CCDC178: variants seen among roughly 807,000 people sequenced by gnomAD.
CCDC178 encodes coiled-coil domain containing 178, also known as coiled-coil domain-containing protein 178.
A neutral mutation model predicts 117.4 loss-of-function variants in CCDC178; 126 were observed. The observed-to-expected ratio is 1.07, with a 90% CI of 0.93 to 1.24. The LOEUF (loss-of-function observed/expected upper bound fraction) is 1.24. Among genes scored for constraint, CCDC178 ranks in the 50% most tolerant of loss-of-function variants. The probability of loss-of-function intolerance (pLI) is 0.00; values close to 1 mark genes in which losing one functional copy is unlikely to be tolerated. For missense variants in CCDC178, 1,030 were observed against 986.9 expected, an observed-to-expected ratio of 1.04 and a Z score of -0.59; for synonymous variants, 283 against 313.4, an observed-to-expected ratio of 0.90 and a Z score of 1.02.
Position 32,944,423 on chromosome 18 carries a change from T to A in CCDC178, c.2524-6332A>T, listed in dbSNP as rs1253964519. Among the ~76,000 whole-genome samples the A allele has an allele frequency of 2.0e-5, 3 of 152,192 alleles. No individual in the cohort carries two copies. The East Asian group carries it at 5.8e-4, about 29-fold the overall frequency. ...TGACAGATACTGCACACCAAGATTA[T>A]CTGCTGTAAGTGATGGGGAGGCACT... is the stretch of plus-strand genomic sequence containing the variant. On this transcript the variant is annotated intron_variant, in intron 22 of 22. Coordinates refer to ENST00000383096, the MANE Select transcript of CCDC178 (RefSeq NM_001105528.4).
intron 12 of CCDC178, among the ~76,000 whole-genome samples, chr18:33,289,204 C>G (rs1437984356): frequency 6.6e-6 from 1 of 152,060 alleles, no homozygotes; most frequent in Non-Finnish European, 1.5e-5. Flanking sequence ...GGTTAATATT[C>G]TCCACACTGC....
At chr18:33,414,781 A>C (rs1396797209) in intron 2 of CCDC178, among the ~76,000 whole-genome samples, 3 of 152,254 alleles carry the variant, frequency 2.0e-5, no homozygotes, top group Non-Finnish European at 2.9e-5. Context: ...GAATGGGAGA[A>C]AATTTTTGCA....
chr18:32,953,023 C>T (rs560051616), intron 22 of CCDC178, among the ~76,000 whole-genome samples: 4 of 152,204 alleles, frequency 2.6e-5, no homozygotes, highest in Admixed American at 6.5e-5. Context: ...CTGCCTGCCT[C>T]GGCCTCCCAA....
At chr18:33,386,779 AG>A (rs1384901070) in intron 5 of CCDC178, among the ~76,000 whole-genome samples, 2 of 152,120 alleles carry the variant, frequency 1.3e-5, no homozygotes, top group Non-Finnish European at 2.9e-5. Context: ...GGGCAAAAAC[AG>A]GAAGCATTCC....
intron 18 of CCDC178, among the ~76,000 whole-genome samples, chr18:33,220,961 AT>A (rs1241870225): frequency 2.1e-4 from 32 of 152,062 alleles, no homozygotes; most frequent in African/African-American, 6.3e-4. Flanking sequence ...GTATTTAAGC[AT>A]TTGCCTATTC....
intron 21 of CCDC178, among the ~76,000 whole-genome samples, chr18:33,075,604 T>G (rs759993316): frequency 6.6e-6 from 1 of 152,174 alleles, no homozygotes; most frequent in Non-Finnish European, 1.5e-5. Flanking sequence ...AAAATACCTT[T>G]CTGTTCCCAT....
intron 21 of CCDC178, among the ~76,000 whole-genome samples, chr18:33,013,590 A>C (rs894343207): frequency 1.3e-5 from 2 of 152,226 alleles, no homozygotes; most frequent in Non-Finnish European, 2.9e-5. Flanking sequence ...AAGTTATAAG[A>C]AGTATGTAAG....
At chr18:33,216,912 T>C (rs1432930674) in intron 18 of CCDC178, among the ~76,000 whole-genome samples, 6 of 152,158 alleles carry the variant, frequency 3.9e-5, no homozygotes, top group Non-Finnish European at 1.5e-5. Flanking sequence ...AGCGGACAGG[T>C]GTGAGTATGG....
At chr18:33,110,929 T>G (rs1230898672) in intron 20 of CCDC178, among the ~76,000 whole-genome samples, 1 of 151,630 alleles carries the variant, frequency 6.6e-6, no homozygotes, top group African/African-American at 2.4e-5. Flanking sequence ...TTTCCAAAAA[T>G]TCTGCTTGAA....
At chr18:33,181,944 A>G (rs1231845981) in intron 20 of CCDC178, among the ~76,000 whole-genome samples, 1 of 151,940 alleles carries the variant, frequency 6.6e-6, no homozygotes. Flanking sequence ...CATACCGTGT[A>G]ATAAGGGAAC....
intron 21 of CCDC178, among the ~76,000 whole-genome samples, chr18:32,997,218 T>A (rs1167560646): frequency 6.6e-6 from 1 of 152,198 alleles, no homozygotes; most frequent in Non-Finnish European, 1.5e-5. Context: ...ATTTTGTATG[T>A]CAACTTGGCT....
At chr18:33,254,932 T>C (rs2059661666) in intron 14 of CCDC178, among the ~76,000 whole-genome samples, 1 of 152,014 alleles carries the variant, frequency 6.6e-6, no homozygotes, top group Non-Finnish European at 1.5e-5. Flanking sequence ...GTGACAGTGT[T>C]ACAGGGTGGG....
chr18:33,177,041 T>G (rs2058671669), intron 20 of CCDC178, among the ~76,000 whole-genome samples: 2 of 152,238 alleles, frequency 1.3e-5, no homozygotes, highest in African/African-American at 4.8e-5. Context: ...TTGAATGAAC[T>G]CATGTCCTTT....
intron 6 of CCDC178, among the ~76,000 whole-genome samples, chr18:33,359,792 C>T (rs564640788): frequency 6.6e-6 from 1 of 151,238 alleles, no homozygotes; most frequent in Non-Finnish European, 1.5e-5. Context: ...TAAAATTGCC[C>T]GATTCGATGT....
intron 2 of CCDC178, among the ~76,000 whole-genome samples, chr18:33,416,144 C>T (rs7231849): frequency 0.65 from 99,246 of 152,058 alleles, 32,708 homozygotes; most frequent in South Asian, 0.81. Flanking sequence ...AAAAACTGCC[C>T]GGGCCGGGAG....
In CCDC178 at chr18:32,941,077, AT is replaced by A. The variant is rs766432485; in HGVS notation, c.2524-2987del. 7.4e-3 allele frequency among the ~76,000 whole-genome samples: 1,064 copies of A among 143,840 alleles called. 8 individuals are homozygous for A. Among genetic ancestry groups the A allele is most frequent in the African/African-American group, 0.014 (539 of 39,474 alleles). 94.4% of individuals were successfully genotyped at this position (143,840 alleles called of 152,430 possible). A position where few individuals can be genotyped will look rare whatever the true frequency, so the allele number is the denominator to read the frequency against. On this transcript the variant is annotated intron_variant, in intron 22 of 22. Coordinates refer to ENST00000383096, the MANE Select transcript of CCDC178 (RefSeq NM_001105528.4). ...CTAATAGAACTCCTGCAGTTTAATG[AT>A]TTTTTTTTTTTTTAATTCTGAAAGA... is the stretch of plus-strand genomic sequence containing the variant.
At chr18:33,355,770 C>T (rs2063047131) in intron 7 of CCDC178, among the ~76,000 whole-genome samples, 1 of 152,124 alleles carries the variant, frequency 6.6e-6, no homozygotes, top group South Asian at 2.1e-4. Flanking sequence ...GTAAGTAGCC[C>T]CAGCCTTGTG....
intron 21 of CCDC178, among the ~76,000 whole-genome samples, chr18:33,022,064 A>T (rs2056131610): frequency 6.6e-6 from 1 of 152,208 alleles, no homozygotes; most frequent in Admixed American, 6.5e-5. Context: ...CATAAATATT[A>T]ATGACATACC....
rs777461108 is a variant in CCDC178 at position 33,092,850 on chromosome 18, G to A, written c.2299C>T (p.Gln767Ter). ...LRLAQEYQQL[Q>*]ITFLKEKDNY... Reference sequence around the variant, plus strand: ...TCCTTTTCTTTTAAGAATGTAATCTGTAGCTGTTGATACTCTTGAGCTAAA... The same window carrying A: ...TCCTTTTCTTTTAAGAATGTAATCTATAGCTGTTGATACTCTTGAGCTAAA... Residue 767 changes from glutamine to a stop codon, truncating the protein, a stop_gained, in exon 21 of 23, where the codon CAG becomes TAG. Transcript: ENST00000383096. LOFTEE classifies it high-confidence loss of function. 1 of 1,585,148 alleles carries A rather than the reference G, an allele frequency of 6.3e-7. No homozygotes were observed. The highest frequency in any genetic ancestry group is 8.6e-7 in the Non-Finnish European group (1 of 1,162,908).
Sources: gnomAD v4.1 joint callset for allele counts (sites outside exome capture counted in the v4.1 genomes callset) on GRCh38, gnomAD v4.1.1 for gene constraint, MANE v1.5 for transcripts, NCBI Gene and HGNC (gene_info 2026-07-23, HGNC 2026-07-21) for gene names.